The following DNAI1 variants were observed in gnomAD, a reference collection of about 807,000 sequenced individuals.
DNAI1 encodes the protein dynein, axonemal, intermediate polypeptide 1.
In DNAI1, 67 loss-of-function variants were observed where a neutral mutation model predicts 92.0. The observed-to-expected ratio is 0.73, with a 90% CI of 0.60 to 0.89. The LOEUF is 0.89. Ranked by LOEUF, DNAI1 falls within the 40% of genes least tolerant of loss-of-function variation. The probability of loss-of-function intolerance (pLI) is 0.00; values close to 1 mark genes in which losing one functional copy is unlikely to be tolerated. For synonymous variants in DNAI1, 323 were observed against 319.6 expected (o/e 1.01, Z -0.11); for missense variants, 839 against 866.6 (o/e 0.97, Z 0.40).
intron 13 of DNAI1, among the ~76,000 whole-genome samples, chr9:34,511,606 G>C (rs1203817843): frequency 6.6e-6 from 1 of 152,152 alleles, no homozygotes; most frequent in East Asian, 1.9e-4. Context: ...AACATGTATC[G>C]AATACTTCAT....
intron 8 of DNAI1, 45 bp from the exon 9 acceptor site, chr9:34,493,149 A>G (rs1352596464): frequency 1.2e-6 from 2 of 1,614,062 alleles, no homozygotes; most frequent in Admixed American, 3.3e-5. Context: ...TGTCTGGGTA[A>G]AGATTGCACC....
intron 7 of DNAI1, among the ~76,000 whole-genome samples, chr9:34,490,855 G>C (rs1824576819): frequency 6.6e-6 from 1 of 152,246 alleles, no homozygotes; most frequent in Admixed American, 6.5e-5. Flanking sequence ...CTCTGTGATA[G>C]ACCAGCTGGC....
chr9:34,482,941 G>C (rs572216449), intron 1 of DNAI1, among the ~76,000 whole-genome samples: 2 of 152,218 alleles, frequency 1.3e-5, no homozygotes, highest in African/African-American at 4.8e-5. Flanking sequence ...GCGAGAAATC[G>C]AGCGCAGTGC....
intron 15 of DNAI1, 31 bp from the exon 16 acceptor site, chr9:34,513,081 G>A (rs754131221): frequency 1.9e-5 from 31 of 1,596,388 alleles, no homozygotes; most frequent in Admixed American, 8.3e-5. Context: ...CTTGGAACTG[G>A]GCTAAGCCTG....
intron 13 of DNAI1, among the ~76,000 whole-genome samples, chr9:34,508,108 G>A (rs1043139210): frequency 6.6e-6 from 1 of 152,232 alleles, no homozygotes; most frequent in East Asian, 1.9e-4. Context: ...GCCTGAAGTT[G>A]CTCAAGGTCT....
chr9:34,489,430 C>G lies in DNAI1; in HGVS notation c.369C>G (p.Tyr123Ter). 1 of 1,613,934 alleles carries G rather than the reference C, an allele frequency of 6.2e-7. No individual in the cohort carries two copies. Among genetic ancestry groups the G allele is most frequent in the Non-Finnish European group, 8.5e-7 (1 of 1,179,974 alleles). Residue 123 changes from tyrosine to a stop codon, truncating the protein, a stop_gained, in exon 5 of 20, where the codon TAC becomes TAG. Transcript: ENST00000242317. LOFTEE classifies it high-confidence loss of function. ...KDSDEGRRQHYRDELVAGSQE... is the reference protein window; with the variant it reads ...KDSDEGRRQH ...CAGATGAAGGACGGCGGCAGCATTA[C>G]CGCGATGAATTAGTGGCAGGTAGGA...
chr9:34,469,376 C>T (rs1824098646), intron 1 of DNAI1, among the ~76,000 whole-genome samples: 1 of 149,586 alleles, frequency 6.7e-6, no homozygotes, highest in East Asian at 2.0e-4. Flanking sequence ...AGTGATCCTC[C>T]TGCCTCAGCC....
At chr9:34,464,383 G>C (rs1449364583) in intron 1 of DNAI1, among the ~76,000 whole-genome samples, 1 of 151,952 alleles carries the variant, frequency 6.6e-6, no homozygotes, top group African/African-American at 2.4e-5. Flanking sequence ...ACCTTAATTT[G>C]TACCACTCTT....
At chr9:34,478,556 A>G (rs745649271) in intron 1 of DNAI1, 4 of 152,244 alleles carry the variant, frequency 2.6e-5, no homozygotes, top group Non-Finnish European at 5.9e-5. Context: ...CCAAAGACGA[A>G]TAAGACTCAG....
chr9:34,484,900 C>T, intron 2 of DNAI1: 1 of 474,006 alleles, frequency 2.1e-6, no homozygotes, highest in South Asian at 2.0e-5. Context: ...CCTACCACAA[C>T]ATTCCAAGTT....
intron 16 of DNAI1, among the ~76,000 whole-genome samples, 171 bp from the exon 17 acceptor site, chr9:34,514,223 C>T (rs1210585264): frequency 6.6e-6 from 1 of 152,172 alleles, no homozygotes; most frequent in African/African-American, 2.4e-5. Context: ...CCTTCCTTTC[C>T]CCCAGGGTGT....
At chr9:34,474,028 C>T (rs901696717) in intron 1 of DNAI1, among the ~76,000 whole-genome samples, 15 of 151,878 alleles carry the variant, frequency 9.9e-5, no homozygotes, top group African/African-American at 3.6e-4. Flanking sequence ...ACACCTGGTC[C>T]AATACATTGT....
intron 1 of DNAI1, 96 bp from the exon 2 acceptor site, chr9:34,483,352 G>C (rs1000743535): frequency 1.6e-6 from 2 of 1,260,414 alleles, no homozygotes; most frequent in Non-Finnish European, 1.1e-6. Context: ...CTTTGACTGT[G>C]AGATCCCTGG....
intron 1 of DNAI1, among the ~76,000 whole-genome samples, chr9:34,481,564 G>C (rs918216110): frequency 6.6e-6 from 1 of 152,224 alleles, no homozygotes; most frequent in African/African-American, 2.4e-5. Flanking sequence ...GCGGACCCTC[G>C]CGGTGAGTGT....
At chr9:34,492,374 C>A (rs1824619116) in intron 8 of DNAI1, among the ~76,000 whole-genome samples, 1 of 150,944 alleles carries the variant, frequency 6.6e-6, no homozygotes, top group African/African-American at 2.4e-5. Context: ...ATCCATTTAG[C>A]AAATGTTCCC....
intron 9 of DNAI1, among the ~76,000 whole-genome samples, chr9:34,493,554 A>G (rs1423586211): frequency 6.6e-6 from 1 of 151,966 alleles, no homozygotes; most frequent in African/African-American, 2.4e-5. Flanking sequence ...GGCTAGCAGT[A>G]TTTCAGAATT....
Position 34,514,413 on chromosome 9 carries a change from G to T in DNAI1, c.1589G>T (p.Ser530Ile). The T allele has an allele frequency of 6.2e-7, 1 of 1,614,114 alleles. No homozygotes were observed. Among genetic ancestry groups the T allele is most frequent in the African/African-American group, 1.3e-5 (1 of 75,038 alleles). ...GACCAGTGCTCTAAATCCTACTCCA[G>T]CCAATTCCTCGACACCTATGACGCC... Reference protein sequence around the residue: ...KIYKCSKSYSSQFLDTYDAHN... With the variant: ...KIYKCSKSYSIQFLDTYDAHN... The change falls in exon 17 of 20, where the codon AGC (serine) becomes ATC (isoleucine). Residue 530 changes from serine to isoleucine, a missense_variant. Ser to Ile is a moderately radical substitution (Grantham distance 142, BLOSUM62 -2). Transcript: ENST00000242317.
Position 34,462,671 on chromosome 9 carries a change from A to C in DNAI1, c.48+3618A>C, listed in dbSNP as rs183927691. Among the ~76,000 whole-genome samples the C allele has an allele frequency of 9.8e-5, 15 of 152,332 alleles. No homozygotes were observed. In the East Asian group the frequency reaches 2.9e-3, roughly 29 times the overall value. On this transcript the variant is annotated intron_variant, in intron 1 of 19. Coordinates refer to ENST00000242317, the MANE Select transcript of DNAI1 (RefSeq NM_012144.4). Reference sequence around the variant, plus strand: ...GGGAGACTTGTGGGGAATTATAACAAGGAAATGTAACTGTGTAAGTATGGT... The same window carrying C: ...GGGAGACTTGTGGGGAATTATAACACGGAAATGTAACTGTGTAAGTATGGT...
chr9:34,484,265 A>T (rs1824430307), intron 2 of DNAI1, among the ~76,000 whole-genome samples: 2 of 152,230 alleles, frequency 1.3e-5, no homozygotes, highest in Admixed American at 6.5e-5. Context: ...TTTCACTGTT[A>T]TTATAAATCC....
Sources: gnomAD v4.1 joint callset for allele counts (sites outside exome capture counted in the v4.1 genomes callset) on GRCh38, gnomAD v4.1.1 for gene constraint, MANE v1.5 for transcripts, NCBI Gene and HGNC (gene_info 2026-07-23, HGNC 2026-07-21) for gene names.